The following APLP2 variants were observed in gnomAD, a reference collection of about 807,000 sequenced individuals.
The protein encoded by APLP2 is CDEI box-binding protein.
In APLP2, 53 loss-of-function variants were observed where a neutral mutation model predicts 89.9. The ratio of observed to expected loss-of-function variants is 0.59; its 90% CI spans 0.47 to 0.74. The LOEUF (loss-of-function observed/expected upper bound fraction) is 0.74, where lower values mean the gene tolerates loss of function less well. Among genes scored for constraint, APLP2 ranks in the 30% least tolerant of loss-of-function variants. APLP2 has a pLI of 0.00. For synonymous variants in APLP2, 372 were observed against 348.6 expected (o/e 1.07, Z -0.75); for missense variants, 973 against 975.9 (o/e 1.00, Z 0.04).
rs372001669 is a variant in APLP2 at position 130,123,735 on chromosome 11, A to G, written c.1046A>G (p.Asn349Ser). ...GGTGGCTGCGGCGGCAACAGGAACAATTTTGAGTCTGAGGATTATTGTATG... is the reference window on the plus strand; with the variant it reads ...GGTGGCTGCGGCGGCAACAGGAACAGTTTTGAGTCTGAGGATTATTGTATG... ...IYGGCGGNRN[N>S]FESEDYCMAV... The change falls in exon 7 of 17, where the codon AAT becomes AGT. Residue 349 changes from asparagine (N) to serine (S), a missense_variant. Coordinates refer to ENST00000338167, the MANE Select transcript of APLP2 (RefSeq NM_001142276.2). This position sits in a 1 kb window ranked among gnomAD's most constrained non-coding sequence, Gnocchi z 4.0. The G allele has an allele frequency of 2.3e-5, 37 of 1,614,104 alleles. No homozygotes were observed. In the African/African-American group the frequency reaches 2.9e-4, roughly 13 times the overall value.
intron 8 of APLP2, among the ~76,000 whole-genome samples, 176 bp from the exon 9 acceptor site, chr11:130,127,590 A>G (rs1950521853): frequency 6.6e-6 from 1 of 152,234 alleles, no homozygotes; most frequent in Admixed American, 6.5e-5. Flanking sequence ...ATCTGGGGAT[A>G]GTTGAGGCCT....
At chr11:130,119,679 G>A (rs1021395770) in intron 3 of APLP2, among the ~76,000 whole-genome samples, 2 of 152,194 alleles carry the variant, frequency 1.3e-5, no homozygotes, top group African/African-American at 2.4e-5. Context: ...CCTTTACCTA[G>A]ATTCTCCAGT....
rs115079600 is a variant in APLP2 at position 130,078,436 on chromosome 11, T to C, written c.105+8354T>C. ...GCCTTTTCACTCTTAGTGATGTCTT[T>C]TGAAGAAGTTCTTAATTTTAATGTC... On this transcript the variant is annotated intron_variant, in intron 1 of 16. Coordinates refer to ENST00000338167, the MANE Select transcript of APLP2 (RefSeq NM_001142276.2). Among the ~76,000 whole-genome samples the C allele has an allele frequency of 5.3e-3, 803 of 152,304 alleles. 11 individuals are homozygous for C. Among genetic ancestry groups the C allele is most frequent in the African/African-American group, 0.017 (714 of 41,560 alleles).
intron 1 of APLP2, among the ~76,000 whole-genome samples, chr11:130,096,164 A>G (rs1010175731): frequency 2.0e-4 from 30 of 152,222 alleles, no homozygotes; most frequent in Non-Finnish European, 3.8e-4. Context: ...ATTAGAATTC[A>G]GGACAGTCAT....
At chr11:130,087,825 G>A (rs1944352100) in intron 1 of APLP2, among the ~76,000 whole-genome samples, 1 of 151,776 alleles carries the variant, frequency 6.6e-6, no homozygotes, top group Non-Finnish European at 1.5e-5. Context: ...GCTTCCTCAG[G>A]ATCTACATTA....
chr11:130,120,369 AG>A (rs60341505), intron 3 of APLP2, among the ~76,000 whole-genome samples: 6,821 of 152,276 alleles, frequency 0.045, 497 homozygotes, highest in African/African-American at 0.15. Context: ...AGGAAGGCAG[AG>A]CCATGTGGGG....
intron 12 of APLP2, among the ~76,000 whole-genome samples, chr11:130,134,682 G>T (rs975390329): frequency 1.3e-5 from 2 of 152,232 alleles, no homozygotes; most frequent in Admixed American, 1.3e-4. Flanking sequence ...GGAGAGAGCT[G>T]TTGGGAGTAT....
At chr11:130,136,620 A>T (rs1440747545) in intron 13 of APLP2, among the ~76,000 whole-genome samples, 3 of 152,180 alleles carry the variant, frequency 2.0e-5, no homozygotes, top group Non-Finnish European at 4.4e-5. Flanking sequence ...GGGGGGATGG[A>T]GGTACATCCA....
intron 1 of APLP2, among the ~76,000 whole-genome samples, chr11:130,107,222 A>G (rs142609222): frequency 3.9e-5 from 6 of 152,364 alleles, no homozygotes; most frequent in Admixed American, 3.9e-4. Flanking sequence ...TTGGAATTTT[A>G]GTAATTCTCC....
chr11:130,109,627 A>G (rs1948282911), intron 2 of APLP2, 25 bp downstream of exon 2: 1 of 1,593,568 alleles, frequency 6.3e-7, no homozygotes, highest in African/African-American at 1.4e-5. Flanking sequence ...AGTAAGTTGA[A>G]AGTGTTATTT....
chr11:130,080,967 G>T (rs911021596), intron 1 of APLP2, among the ~76,000 whole-genome samples: 1 of 151,832 alleles, frequency 6.6e-6, no homozygotes, highest in Non-Finnish European at 1.5e-5. Context: ...GGGATTACAG[G>T]CGTGAGCCAC....
intron 1 of APLP2, among the ~76,000 whole-genome samples, chr11:130,074,785 C>T (rs1179942233): frequency 6.6e-6 from 1 of 152,114 alleles, no homozygotes; most frequent in Non-Finnish European, 1.5e-5. Flanking sequence ...GAAGCCAGCA[C>T]CTAACAATGA....
At chr11:130,084,194 C>T (rs931651781) in intron 1 of APLP2, among the ~76,000 whole-genome samples, 11 of 151,648 alleles carry the variant, frequency 7.3e-5, no homozygotes, top group Middle Eastern at 3.4e-3. Context: ...TGCAGTGAGC[C>T]GAGATTGCAC....
At chr11:130,122,963 G>T (rs1949991772) in intron 6 of APLP2, among the ~76,000 whole-genome samples, 1 of 150,688 alleles carries the variant, frequency 6.6e-6, no homozygotes, top group African/African-American at 2.4e-5. Flanking sequence ...GAAATTTATT[G>T]ACCTGCTGGT....
At chr11:130,117,805 G>T (rs1219987384) in intron 3 of APLP2, among the ~76,000 whole-genome samples, 2 of 152,184 alleles carry the variant, frequency 1.3e-5, no homozygotes, top group African/African-American at 4.8e-5. Flanking sequence ...AGGCGCAGTG[G>T]CTCACGCCTG....
chr11:130,102,363 G>A (rs11221959), intron 1 of APLP2, among the ~76,000 whole-genome samples: 15,352 of 152,148 alleles, frequency 0.1, 1,171 homozygotes, highest in African/African-American at 0.2. Flanking sequence ...GCTTCATTCC[G>A]CGTTTATTAG....
intron 1 of APLP2, among the ~76,000 whole-genome samples, chr11:130,090,148 G>C (rs567663363): frequency 6.6e-6 from 1 of 151,824 alleles, no homozygotes; most frequent in Non-Finnish European, 1.5e-5. Context: ...ATGATCTTGG[G>C]AATACTTTCC....
At chr11:130,140,566 G>A in intron 14 of APLP2, 83 bp downstream of exon 14, 6 of 1,170,180 alleles carry the variant, frequency 5.1e-6, no homozygotes, top group Non-Finnish European at 7.2e-6. Context: ...ATGCTTCCAG[G>A]TGCACGTCTC....
chr11:130,073,842 G>A (rs76921157), intron 1 of APLP2, among the ~76,000 whole-genome samples: 17,035 of 151,798 alleles, frequency 0.11, 1,233 homozygotes, highest in East Asian at 0.25. Context: ...AAGAAAACAA[G>A]AATAAAAAAA....
Sources: gnomAD v4.1 joint callset for allele counts (sites outside exome capture counted in the v4.1 genomes callset) on GRCh38, gnomAD v4.1.1 for gene constraint, Gnocchi (gnomAD v3.1) non-coding constraint, MANE v1.5 for transcripts, NCBI Gene and HGNC (gene_info 2026-07-23, HGNC 2026-07-21) for gene names.